The following SMC4 variants were observed in gnomAD, a reference collection of about 807,000 sequenced individuals.
The protein encoded by SMC4 is structural maintenance of chromosomes protein 4.
SMC4 carries 87 observed loss-of-function variants against 145.6 expected under a neutral mutation model. That is an observed-to-expected ratio of 0.60 (90% CI 0.50 to 0.71). The LOEUF (loss-of-function observed/expected upper bound fraction) is 0.71. Ranked by LOEUF, SMC4 falls within the 30% of genes least tolerant of loss-of-function variation. The pLI is 0.00. For missense variants in SMC4, 1,447 were observed against 1,537.1 expected, an observed-to-expected ratio of 0.94 and a Z score of 0.98; for synonymous variants, 558 against 500.7, an observed-to-expected ratio of 1.11 and a Z score of -1.53.
chr3:160,402,311 C>T (rs1415576244), intron 3 of SMC4, among the ~76,000 whole-genome samples: 1 of 151,940 alleles, frequency 6.6e-6, no homozygotes, highest in Non-Finnish European at 1.5e-5. Flanking sequence ...ATCTTTGGTA[C>T]CTCTAGTTAC....
chr3:160,424,384 A>C (rs1717537308), intron 15 of SMC4, among the ~76,000 whole-genome samples: 1 of 152,232 alleles, frequency 6.6e-6, no homozygotes, highest in South Asian at 2.1e-4. Flanking sequence ...CCTTCATTGA[A>C]ATAATAGGTG....
rs1435665350 is a variant in SMC4, at chr3:160,412,417, T to G, written c.944T>G (p.Ile315Arg). 8.1e-6 allele frequency: 13 copies of G among 1,605,582 alleles called. No homozygotes were observed. Among genetic ancestry groups the G allele is most frequent in the Non-Finnish European group, 1.1e-5 (13 of 1,173,966 alleles). Residue 315 changes from isoleucine to arginine, a missense_variant, in exon 7 of 24, where the codon ATA becomes AGA. By Grantham distance (97) the Ile-to-Arg change is moderately conservative (BLOSUM62 -3). Coordinates refer to ENST00000357388, the MANE Select transcript of SMC4 (RefSeq NM_001002800.3). ...GAATTTCTTACCTTGGAAAATGAAA[T>G]ATTTAGAAAAAAGAATCATGTTTGT... ...AIEFLTLENE[I>R]FRKKNHVCQY...
chr3:160,415,068 T>G (rs894650223), intron 9 of SMC4, among the ~76,000 whole-genome samples: 1 of 152,162 alleles, frequency 6.6e-6, no homozygotes, highest in South Asian at 2.1e-4. Context: ...CAGAGCAGGA[T>G]TTCCCAAGAA....
rs192376321 is a variant in SMC4 at position 160,401,090 on chromosome 3, G to C, written c.139+125G>C. 4.4e-4 allele frequency: 544 copies of C among 1,243,268 alleles called. 1 individual carries two copies. The African/African-American group carries it at 6.7e-3, about 15-fold the overall frequency. The allele number at this position is 1,243,268 out of a possible 1,614,324, so 77.0% of individuals were successfully genotyped here. On this transcript the variant is annotated intron_variant, in intron 2 of 23. Coordinates refer to ENST00000357388, the MANE Select transcript of SMC4 (RefSeq NM_001002800.3). Reference sequence around the variant, plus strand: ...ACATCTGAAGGTCCGGTGTCGGTCCGGTAGAGGCTCAGGAAAGCCATTTGG... The same window carrying C: ...ACATCTGAAGGTCCGGTGTCGGTCCCGTAGAGGCTCAGGAAAGCCATTTGG...
At position 160,424,952 on chromosome 3, in the gene SMC4, TAGTTA is replaced by T; in HGVS notation, c.2417_2421del (p.Lys806ThrfsTer3). The T allele has an allele frequency of 1.2e-6, 2 of 1,612,570 alleles. No homozygotes were observed. The highest frequency in any genetic ancestry group is 1.1e-5 in the South Asian group (1 of 91,026). On this transcript the variant is annotated frameshift_variant, in exon 16 of 24. Coordinates refer to ENST00000357388, the MANE Select transcript of SMC4 (RefSeq NM_001002800.3). LOFTEE classifies it high-confidence loss of function. ...CAGAAAGTACAACTTGAAGAAAGAG[TAGTTA>T]AGTTACGGCATAGTGAACGAGAAAT...
In SMC4 at chr3:160,412,305, T is replaced by G. The variant is rs892272819; in HGVS notation, c.853-21T>G. 7.0e-6 allele frequency: 11 copies of G among 1,578,194 alleles called. No individual in the cohort carries two copies. The African/African-American group carries it at 1.4e-4, about 20-fold the overall frequency. On this transcript the variant is annotated intron_variant, in intron 6 of 23. Transcript: ENST00000357388. ...TACATATGAAGTGTGTATTCAGTCT[T>G]TAAACTTTTAATTTCTGTAGTTAAA... is the stretch of plus-strand genomic sequence containing the variant.
chr3:160,430,571 T>A, intron 18 of SMC4, 28 bp from the exon 19 acceptor site: 1 of 1,525,212 alleles, frequency 6.6e-7, no homozygotes, highest in East Asian at 2.4e-5. Context: ...CCTTACCACA[T>A]TTTTGATGCA....
intron 2 of SMC4, 65 bp from the exon 3 acceptor site, chr3:160,401,850 A>G (rs1284118642): frequency 2.3e-6 from 3 of 1,280,504 alleles, no homozygotes; most frequent in African/African-American, 3.1e-5. Flanking sequence ...CTCCGAACTA[A>G]TTGCACTAAT....
At chr3:160,420,633 T>C (rs555300602) in intron 12 of SMC4, 107 bp from the exon 13 acceptor site, 13 of 1,133,630 alleles carry the variant, frequency 1.1e-5, no homozygotes, top group African/African-American at 9.5e-5. Flanking sequence ...TTTAAAACCA[T>C]GTCTACATAA....
In SMC4 at chr3:160,423,771, T is replaced by G; in HGVS notation, c.2256T>G (p.Thr752=). 6.2e-7 allele frequency: 1 copy of G among 1,613,708 alleles called. No homozygotes were observed. The highest frequency in any genetic ancestry group is 8.5e-7 in the Non-Finnish European group (1 of 1,179,810). The change falls in exon 15 of 24, where the codon ACT becomes ACG. Residue 752 remains threonine, a synonymous_variant. Coordinates refer to ENST00000357388, the MANE Select transcript of SMC4 (RefSeq NM_001002800.3). ...TCCCCTGTTTTCCAGGTACAATGAC[T>G]GGTGGTGGAAGCAAAGTAATGAAAG... ...GQIIEQSGTM[T]GGGSKVMKGR... is the part of the protein sequence containing the mutation.
intron 13 of SMC4, among the ~76,000 whole-genome samples, 185 bp downstream of exon 13, chr3:160,421,086 C>T (rs1456317053): frequency 6.6e-6 from 1 of 152,084 alleles, no homozygotes; most frequent in Admixed American, 6.5e-5. Context: ...CCCGCCACCA[C>T]ACCCAGCTAA....
rs1718769384 is a variant in SMC4, at chr3:160,434,448, T to TAAGA, written c.*640_*643dup. 6.6e-6 allele frequency: 1 copy of TAAGA among 152,218 alleles called. No individual in the cohort carries two copies. Among genetic ancestry groups the TAAGA allele is most frequent in the Non-Finnish European group, 1.5e-5 (1 of 68,036 alleles). The allele number at this position is 152,218 out of a possible 1,614,324, so 9.4% of individuals were successfully genotyped here. On this transcript the variant is annotated 3_prime_UTR_variant, in exon 24 of 24. Transcript: ENST00000357388. The stretch of plus-strand genomic sequence containing the variant: ...CTATAGTTGCTTCATGAGTATGAAG[T>TAAGA]AAGATGGCCTCTGATTTACACTGGT...
At chr3:160,428,669 A>G in intron 17 of SMC4, 84 bp from the exon 18 acceptor site, 1 of 1,305,314 alleles carries the variant, frequency 7.7e-7, no homozygotes, top group Non-Finnish European at 1.0e-6. Context: ...ACGTCAAGTC[A>G]TAGCAACTGA....
chr3:160,423,277 C>A, intron 13 of SMC4, 148 bp from the exon 14 acceptor site: 1 of 603,026 alleles, frequency 1.7e-6, no homozygotes. Flanking sequence ...CATGAGATGT[C>A]TTCCGTTTAG....
chr3:160,429,193 G>A (rs1718108965), intron 18 of SMC4, among the ~76,000 whole-genome samples: 1 of 152,148 alleles, frequency 6.6e-6, no homozygotes. Context: ...CAGTTGCTGT[G>A]AGGGCATAGA....
Position 160,430,642 on chromosome 3 carries a change from GAAAT to G in SMC4, c.2843_2846del (p.Ile948LysfsTer10). On this transcript the variant is annotated frameshift_variant, in exon 19 of 24. Coordinates refer to ENST00000357388, the MANE Select transcript of SMC4 (RefSeq NM_001002800.3). LOFTEE classifies it high-confidence loss of function. Reference sequence around the variant, plus strand: ...AGACTCTGTCTTGCGTACAGAGAAAGAAATAAAAGATACTGAGAAAGAGGTGGAT... The same window carrying G: ...AGACTCTGTCTTGCGTACAGAGAAAGAAAAGATACTGAGAAAGAGGTGGAT... 1 of 1,613,462 alleles carries G rather than the reference GAAAT, an allele frequency of 6.2e-7. No individual in the cohort carries two copies. Among genetic ancestry groups the G allele is most frequent in the Non-Finnish European group, 8.5e-7 (1 of 1,179,720 alleles).
Position 160,402,048 on chromosome 3 carries a change from C to T in SMC4, c.273C>T (p.Asn91=), listed in dbSNP as rs779003134. The change falls in exon 3 of 24, where the codon AAC becomes AAT. Residue 91 remains asparagine (N), a synonymous_variant. Transcript: ENST00000357388. Reference sequence around the variant, plus strand: ...TGATAACTCATATTGTAAACCAGAACTTCAAATCCTATGCTGGGGAGAAAA... The same window carrying T: ...TGATAACTCATATTGTAAACCAGAATTTCAAATCCTATGCTGGGGAGAAAA... ...RLMITHIVNQ[N]FKSYAGEKIL... 1 of 1,578,074 alleles carries T rather than the reference C, an allele frequency of 6.3e-7. No homozygotes were observed. Among genetic ancestry groups the T allele is most frequent in the Non-Finnish European group, 8.6e-7 (1 of 1,167,058 alleles).
chr3:160,418,928 C>T (rs1412570044), intron 11 of SMC4, among the ~76,000 whole-genome samples: 1 of 152,018 alleles, frequency 6.6e-6, no homozygotes, highest in Non-Finnish European at 1.5e-5. Context: ...CTCCAGTACC[C>T]CCCAGCCCCG....
chr3:160,402,438 T>A (rs1251872531), intron 3 of SMC4, among the ~76,000 whole-genome samples: 1 of 152,194 alleles, frequency 6.6e-6, no homozygotes, highest in Non-Finnish European at 1.5e-5. Flanking sequence ...AACTATAAAA[T>A]GAGTTTTCTA....
Sources: gnomAD v4.1 joint callset for allele counts (sites outside exome capture counted in the v4.1 genomes callset) on GRCh38, gnomAD v4.1.1 for gene constraint, MANE v1.5 for transcripts, NCBI Gene and HGNC (gene_info 2026-07-23, HGNC 2026-07-21) for gene names.